The following ARK2N variants were observed in gnomAD, a reference collection of about 807,000 sequenced individuals.
ARK2N encodes protein ARK2N.
chr18:46,236,413 C>A, the ARK2N span, among the ~76,000 whole-genome samples: 1 of 152,138 alleles, frequency 6.6e-6, no homozygotes, highest in African/African-American at 2.4e-5. Context: ...CTGAGTTAAC[C>A]ACAGATTGAA....
the ARK2N span, among the ~76,000 whole-genome samples, chr18:46,246,922 C>T: frequency 7.5e-6 from 1 of 133,496 alleles, no homozygotes; most frequent in Admixed American, 8.0e-5. Flanking sequence ...GCCTGAGCAA[C>T]AAGAGCAAAA....
At chr18:46,210,002 TA>T in the ARK2N span, among the ~76,000 whole-genome samples, 11 of 152,166 alleles carry the variant, frequency 7.2e-5, no homozygotes, top group Non-Finnish European at 8.8e-5. Flanking sequence ...AAACATCAGA[TA>T]AATCTCAACT....
the ARK2N span, among the ~76,000 whole-genome samples, chr18:46,206,183 T>G: frequency 6.6e-6 from 1 of 151,994 alleles, no homozygotes; most frequent in Non-Finnish European, 1.5e-5. Context: ...CCTCTGAGGC[T>G]CAAGTGATCT....
At chr18:46,213,559 G>A in the ARK2N span, among the ~76,000 whole-genome samples, 2 of 152,022 alleles carry the variant, frequency 1.3e-5, no homozygotes, top group Non-Finnish European at 2.9e-5. Flanking sequence ...GCTTTCAGAG[G>A]TGTTACATTT....
chr18:46,218,229 ATCT>A, the ARK2N span: 2 of 152,278 alleles, frequency 1.3e-5, no homozygotes, highest in East Asian at 1.9e-4. Flanking sequence ...TATTTTCCTA[ATCT>A]TCTTTCTAAT....
chr18:46,179,829 T>C, the ARK2N span, among the ~76,000 whole-genome samples: 1 of 152,168 alleles, frequency 6.6e-6, no homozygotes, highest in African/African-American at 2.4e-5. Flanking sequence ...TTCTCCATGT[T>C]AGTCAGGCTG....
At chr18:46,233,014 G>T in the ARK2N span, 4 of 152,212 alleles carry the variant, frequency 2.6e-5, no homozygotes, top group Admixed American at 2.0e-4. Flanking sequence ...CCTGAATCAA[G>T]AAACTTGCTT....
At chr18:46,212,409 A>G in the ARK2N span, among the ~76,000 whole-genome samples, 4,340 of 152,284 alleles carry the variant, frequency 0.028, 190 homozygotes, top group African/African-American at 0.098. Flanking sequence ...GCATCTACAG[A>G]TAAACTCATG....
the ARK2N span, among the ~76,000 whole-genome samples, chr18:46,245,252 GTTGT>G: frequency 2.3e-4 from 35 of 151,974 alleles, no homozygotes; most frequent in Middle Eastern, 3.2e-3. Context: ...ACTTTTTAAG[GTTGT>G]TTAACGTGCT....
At chr18:46,262,250 CT>C in the ARK2N span, among the ~76,000 whole-genome samples, 1 of 152,166 alleles carries the variant, frequency 6.6e-6, no homozygotes, top group Non-Finnish European at 1.5e-5. Flanking sequence ...CTTGGTGTGA[CT>C]TGCTAACAAG....
chr18:46,218,258 C>T, the ARK2N span: 1 of 152,210 alleles, frequency 6.6e-6, no homozygotes, highest in African/African-American at 2.4e-5. Flanking sequence ...ATCTTGACCA[C>T]TGCTTAAAAC....
the ARK2N span, among the ~76,000 whole-genome samples, chr18:46,257,990 G>A: frequency 2.0e-5 from 3 of 150,978 alleles, no homozygotes; most frequent in African/African-American, 4.9e-5. Flanking sequence ...GCAGTGACAC[G>A]ATTTCGGCTC....
the ARK2N span, among the ~76,000 whole-genome samples, chr18:46,262,709 C>T: frequency 3.9e-5 from 6 of 152,006 alleles, no homozygotes; most frequent in Non-Finnish European, 7.4e-5. Flanking sequence ...AGACCCTTGG[C>T]CTTTTTAAGG....
At chr18:46,188,399 C>T in the ARK2N span, among the ~76,000 whole-genome samples, 1 of 152,108 alleles carries the variant, frequency 6.6e-6, no homozygotes, top group Non-Finnish European at 1.5e-5. Context: ...TGGGGTTTCA[C>T]CATGTTGGCC....
chr18:46,201,155 T>C, the ARK2N span, among the ~76,000 whole-genome samples: 1 of 151,958 alleles, frequency 6.6e-6, no homozygotes, highest in Non-Finnish European at 1.5e-5. Flanking sequence ...ATTTTCAAAA[T>C]ATTTTTTTGT....
chr18:46,184,346 A>G, the ARK2N span, among the ~76,000 whole-genome samples: 17 of 152,250 alleles, frequency 1.1e-4, no homozygotes, highest in Middle Eastern at 6.8e-3. Flanking sequence ...CTGGTCTCGA[A>G]TTCCTGACCT....
chr18:46,255,187 G>A, the ARK2N span, among the ~76,000 whole-genome samples: 5 of 152,096 alleles, frequency 3.3e-5, no homozygotes, highest in South Asian at 1.0e-3. Flanking sequence ...TTTCTAGAGA[G>A]ATCTAAGTAT....
the ARK2N span, among the ~76,000 whole-genome samples, chr18:46,255,602 C>T: frequency 6.6e-6 from 1 of 151,716 alleles, no homozygotes; most frequent in African/African-American, 2.4e-5. Flanking sequence ...CAGGCATGCG[C>T]CACCACGCTC....
chr18:46,218,457 C>T, the ARK2N span: 1 of 152,120 alleles, frequency 6.6e-6, no homozygotes, highest in Non-Finnish European at 1.5e-5. Flanking sequence ...GGTACAGGGT[C>T]ACTGTATGTG....
Sources: allele counts gnomAD v4.1 joint callset (sites outside exome capture counted in the v4.1 genomes callset), GRCh38; gene constraint gnomAD v4.1.1; transcripts MANE v1.5; gene names NCBI Gene and HGNC (gene_info 2026-07-23, HGNC 2026-07-21).